Variants in CCDC39 observed in about 807,000 individuals in gnomAD.
CCDC39 encodes the protein coiled-coil domain 39 molecular ruler complex subunit.
In CCDC39, 113 loss-of-function variants were observed where a neutral mutation model predicts 121.0. The ratio of observed to expected loss-of-function variants is 0.93; its 90% CI spans 0.80 to 1.09. The LOEUF is 1.09. Among genes scored for constraint, CCDC39 ranks in the 50% least tolerant of loss-of-function variants. The probability of loss-of-function intolerance (pLI) is 0.00; values close to 1 mark genes in which losing one functional copy is unlikely to be tolerated. For synonymous variants in CCDC39, 349 were observed against 352.2 expected, an observed-to-expected ratio of 0.99 and a Z score of 0.10; for missense variants, 1,063 against 1,074.7, an observed-to-expected ratio of 0.99 and a Z score of 0.15.
At chr3:180,648,584 C>A (rs1369156702) in intron 9 of CCDC39, among the ~76,000 whole-genome samples, 2 of 152,132 alleles carry the variant, frequency 1.3e-5, no homozygotes, top group Non-Finnish European at 2.9e-5. Context: ...TACACCTTGA[C>A]CTGTCGTCTT....
chr3:180,638,573 T>G (rs1247743287), intron 13 of CCDC39, among the ~76,000 whole-genome samples: 1 of 152,004 alleles, frequency 6.6e-6, no homozygotes, highest in Non-Finnish European at 1.5e-5. Context: ...TGAAGAAGTT[T>G]TTAAAAAAGT....
rs756570106 is a variant in CCDC39, at chr3:180,619,382, T to G, written c.2159-17A>C. On this transcript the variant is annotated splice_polypyrimidine_tract_variant and intron_variant, in intron 15 of 19. Transcript: ENST00000476379. Reference sequence around the variant, plus strand: ...ACTCATCACCTGAAATGTAGAACATTTTTAGTTTAAAATTTCAACATACTA... The same window carrying G: ...ACTCATCACCTGAAATGTAGAACATGTTTAGTTTAAAATTTCAACATACTA... 8.0e-7 allele frequency: 1 copy of G among 1,245,784 alleles called. No homozygotes were observed. The highest frequency in any genetic ancestry group is 1.1e-6 in the Non-Finnish European group (1 of 883,396). 77.2% of individuals were successfully genotyped at this position (1,245,784 alleles called of 1,614,324 possible). A position where few individuals can be genotyped will look rare whatever the true frequency, so the allele number is the denominator to read the frequency against.
intron 14 of CCDC39, among the ~76,000 whole-genome samples, chr3:180,622,046 A>G (rs1717443570): frequency 1.3e-5 from 2 of 152,160 alleles, no homozygotes; most frequent in African/African-American, 4.8e-5. Context: ...AATTCTTCCA[A>G]TCCATGAGCA....
intron 14 of CCDC39, 72 bp downstream of exon 14, chr3:180,631,397 T>C: frequency 7.4e-7 from 1 of 1,352,146 alleles, no homozygotes; most frequent in Non-Finnish European, 1.0e-6. Context: ...TTATTTAAAT[T>C]CAGAGGATTA....
At chr3:180,628,501 C>G (rs113218331) in intron 14 of CCDC39, among the ~76,000 whole-genome samples, 2,124 of 152,288 alleles carry the variant, frequency 0.014, 58 homozygotes, top group African/African-American at 0.048. Context: ...GCTACTGCAC[C>G]TGGCCTGAGA....
chr3:180,679,384 T>G lies in CCDC39; in HGVS notation c.-4A>C, dbSNP rs1364035824. On this transcript the variant is annotated 5_prime_UTR_variant, in exon 1 of 20. Transcript: ENST00000476379. The surrounding 1 kb of genome is among the most constrained non-coding windows in gnomAD (Gnocchi z 4.0). ...CAGCCAGGAATTCGCTACTCATGAC[T>G]GCAAACGGATAGAGAAGATACAGAG... 1.2e-6 allele frequency: 2 copies of G among 1,612,930 alleles called. No individual in the cohort carries two copies. The highest frequency in any genetic ancestry group is 8.5e-7 in the Non-Finnish European group (1 of 1,179,082).
chr3:180,658,558 C>T (rs963609830), intron 6 of CCDC39, among the ~76,000 whole-genome samples: 3 of 150,958 alleles, frequency 2.0e-5, no homozygotes, highest in South Asian at 2.1e-4. Flanking sequence ...GATCAGGTCA[C>T]TGCACTCCAG....
Position 180,619,949 on chromosome 3 carries a change from G to A in CCDC39, c.2020C>T (p.Leu674Phe). 6.2e-7 allele frequency: 1 copy of A among 1,607,238 alleles called. No individual in the cohort carries two copies. The highest frequency in any genetic ancestry group is 1.1e-5 in the South Asian group (1 of 90,236). The change falls in exon 15 of 20, where the codon CTT (leucine) becomes TTT (phenylalanine). Residue 674 changes from leucine (L) to phenylalanine (F), a missense_variant. Coordinates refer to ENST00000476379, the MANE Select transcript of CCDC39 (RefSeq NM_181426.2). ...VIKAAQEKEE[L>F]QREGDCLDAK... ...TCCAAACAGTCACCTTCCCTTTGAA[G>A]TTCTTCTTTTTCTTGAGCAGCCTAT...
chr3:180,616,745 T>G (rs1717259766), intron 17 of CCDC39, 50 bp from the exon 18 acceptor site: 1 of 1,571,748 alleles, frequency 6.4e-7, no homozygotes, highest in Non-Finnish European at 8.7e-7. Context: ...TACCAGAATT[T>G]AATATTTTTA....
chr3:180,647,262 A>T lies in CCDC39; in HGVS notation c.1363-19T>A, dbSNP rs760089814. The T allele has an allele frequency of 6.5e-7, 1 of 1,535,558 alleles. No homozygotes were observed. Among genetic ancestry groups the T allele is most frequent in the African/African-American group, 1.4e-5 (1 of 71,476 alleles). Reference sequence around the variant, plus strand: ...GAAAATCCTGTTACAGTTTAAAAAAAAAAAGGTATTACAAAGAAAAAAAAA... The same window carrying T: ...GAAAATCCTGTTACAGTTTAAAAAATAAAAGGTATTACAAAGAAAAAAAAA... On this transcript the variant is annotated intron_variant, in intron 10 of 19. Coordinates refer to ENST00000476379, the MANE Select transcript of CCDC39 (RefSeq NM_181426.2).
At chr3:180,664,081 T>C in intron 1 of CCDC39, 95 bp from the exon 2 acceptor site, 2 of 1,150,630 alleles carry the variant, frequency 1.7e-6, no homozygotes, top group Non-Finnish European at 2.5e-6. Context: ...TCATTTACAT[T>C]GTCTTAGTCA....
intron 1 of CCDC39, among the ~76,000 whole-genome samples, chr3:180,670,580 A>G (rs1466240502): frequency 1.3e-5 from 2 of 151,144 alleles, no homozygotes; most frequent in Non-Finnish European, 2.9e-5. Context: ...ATTTACTCTA[A>G]TTCCACAGAT....
In CCDC39 at chr3:180,660,662, C is replaced by G. The variant is rs754066480; in HGVS notation, c.424G>C (p.Ala142Pro). ...LKCQMNWDQQ[A>P]LEAWLEESAH... ...GATTCTTCTAACCAGGCCTCCAATG[C>G]TTGCTGGTCCCAGTTCATTTGACAT... Residue 142 changes from alanine to proline, a missense_variant, in exon 4 of 20, where the codon GCA becomes CCA. Physicochemically the swap from Ala to Pro is conservative, Grantham distance 27. Coordinates refer to ENST00000476379, the MANE Select transcript of CCDC39 (RefSeq NM_181426.2). 1 of 1,603,226 alleles carries G rather than the reference C, an allele frequency of 6.2e-7. No individual in the cohort carries two copies. Among genetic ancestry groups the G allele is most frequent in the South Asian group, 1.1e-5 (1 of 89,026 alleles).
intron 14 of CCDC39, among the ~76,000 whole-genome samples, chr3:180,630,077 A>G (rs1258000820): frequency 2.0e-5 from 3 of 152,178 alleles, no homozygotes; most frequent in Non-Finnish European, 4.4e-5. Flanking sequence ...TAGGCCTCAC[A>G]TGGTTAAGTA....
At chr3:180,676,312 A>G (rs1237434860) in intron 1 of CCDC39, among the ~76,000 whole-genome samples, 1 of 152,068 alleles carries the variant, frequency 6.6e-6, no homozygotes, top group East Asian at 1.9e-4. Context: ...AAAACAAACA[A>G]CCCCATCAAA....
Position 180,644,968 on chromosome 3 carries a change from C to T in CCDC39, c.1528-711G>A, listed in dbSNP as rs777139974. Among the ~76,000 whole-genome samples the T allele has an allele frequency of 8.5e-5, 13 of 152,192 alleles. No individual in the cohort carries two copies. In the South Asian group the frequency reaches 1.5e-3, roughly 17 times the overall value. Reference sequence around the variant, plus strand: ...TATTGGAGTTCATTGTTTGATTCTACGCAAGTCCCAGATAGTAAGGATATC... The same window carrying T: ...TATTGGAGTTCATTGTTTGATTCTATGCAAGTCCCAGATAGTAAGGATATC... On this transcript the variant is annotated intron_variant, in intron 11 of 19. Coordinates refer to ENST00000476379, the MANE Select transcript of CCDC39 (RefSeq NM_181426.2).
In CCDC39 at chr3:180,642,064, T is replaced by A; in HGVS notation, c.1803A>T (p.Glu601Asp). The A allele has an allele frequency of 6.2e-7, 1 of 1,612,590 alleles. No individual in the cohort carries two copies. The highest frequency in any genetic ancestry group is 8.5e-7 in the Non-Finnish European group (1 of 1,179,016). Residue 601 changes from glutamate (E) to aspartate (D), a missense_variant, in exon 13 of 20, where the codon GAA becomes GAT. Coordinates refer to ENST00000476379, the MANE Select transcript of CCDC39 (RefSeq NM_181426.2). ...GCATTGTTTTATGAACCTTGATTTC[T>A]TCAGTTCGCTCTTCCATTGCTGTGT... Reference protein sequence around the residue: ...QLYTAMEERTEEIKVHKTMLA... With the variant: ...QLYTAMEERTDEIKVHKTMLA...
intron 13 of CCDC39, among the ~76,000 whole-genome samples, chr3:180,635,271 A>T (rs542040335): frequency 6.6e-6 from 1 of 152,276 alleles, no homozygotes; most frequent in Non-Finnish European, 1.5e-5. Flanking sequence ...TGTAGATGAG[A>T]CTTGGGTGGG....
chr3:180,634,716 G>A (rs552566350), intron 13 of CCDC39, among the ~76,000 whole-genome samples: 52 of 152,222 alleles, frequency 3.4e-4, no homozygotes, highest in African/African-American at 1.2e-3. Context: ...GAAATATAGA[G>A]CAGCCACACA....
Sources: allele counts gnomAD v4.1 joint callset (sites outside exome capture counted in the v4.1 genomes callset), GRCh38; gene constraint gnomAD v4.1.1; non-coding constraint Gnocchi (gnomAD v3.1); transcripts MANE v1.5; gene names NCBI Gene and HGNC (gene_info 2026-07-23, HGNC 2026-07-21).